SLC3A2: variants seen among roughly 807,000 people sequenced by gnomAD.
The protein encoded by SLC3A2 is amino acid transporter heavy chain SLC3A2.
Under a neutral mutation model 48.5 loss-of-function variants are expected in SLC3A2, and 32 were observed. The ratio of observed to expected loss-of-function variants is 0.66; its 90% CI spans 0.50 to 0.89. SLC3A2 has a LOEUF of 0.89. SLC3A2 is among the 40% of genes least tolerant of loss of function. The probability of loss-of-function intolerance (pLI) is 0.00; values close to 1 mark genes in which losing one functional copy is unlikely to be tolerated. For missense variants in SLC3A2, 587 were observed against 680.7 expected (o/e 0.86, Z 1.53); for synonymous variants, 277 against 288.8 (o/e 0.96, Z 0.41).
At chr11:62,875,809 C>A (rs377146429) in intron 1 of SLC3A2, among the ~76,000 whole-genome samples, 3 of 152,112 alleles carry the variant, frequency 2.0e-5, no homozygotes, top group African/African-American at 7.2e-5. Context: ...TCAGGTGATC[C>A]GCCCGCCTCA....
chr11:62,875,521 G>A (rs1042029887), intron 1 of SLC3A2, among the ~76,000 whole-genome samples: 9 of 152,226 alleles, frequency 5.9e-5, no homozygotes, highest in Middle Eastern at 3.4e-3. Context: ...GGGCGACAGA[G>A]CGAGACTTCA....
intron 1 of SLC3A2, among the ~76,000 whole-genome samples, chr11:62,871,365 A>T (rs543810836): frequency 4.6e-5 from 7 of 150,906 alleles, no homozygotes; most frequent in Admixed American, 2.0e-4. Context: ...CAGCCTCCCA[A>T]ATAGCTGGGA....
upstream of SLC3A2, among the ~76,000 whole-genome samples, chr11:62,879,009 G>C (rs1057269017): frequency 1.3e-5 from 2 of 151,046 alleles, no homozygotes; most frequent in African/African-American, 4.9e-5. Context: ...CTGACCTCAA[G>C]TTATCCGCCA....
chr11:62,867,322 C>CTTTTT (rs56758000), intron 1 of SLC3A2, among the ~76,000 whole-genome samples: 409 of 67,522 alleles, frequency 6.1e-3, no homozygotes, highest in Non-Finnish European at 7.7e-3. Context: ...CTTTTCTTTT[C>CTTTTT]TTTTTTTTTT....
intron 2 of SLC3A2, 177 bp from the exon 3 acceptor site, chr11:62,882,731 C>T (rs1246710767): frequency 1.6e-6 from 1 of 616,430 alleles, no homozygotes; most frequent in Non-Finnish European, 3.0e-6. Flanking sequence ...CTTCCCATAT[C>T]TTAAGGCCCT....
At chr11:62,860,638 A>G (rs1452793237) in intron 1 of SLC3A2, among the ~76,000 whole-genome samples, 1 of 152,022 alleles carries the variant, frequency 6.6e-6, no homozygotes, top group Non-Finnish European at 1.5e-5. Flanking sequence ...TTCCTCTTTC[A>G]CTAATCCTTC....
chr11:62,870,294 G>A (rs1248798582), intron 1 of SLC3A2, among the ~76,000 whole-genome samples: 1 of 151,598 alleles, frequency 6.6e-6, no homozygotes, highest in African/African-American at 2.4e-5. Context: ...CTATTCTCCT[G>A]CCTCAGCCTC....
rs2085666329 is a variant in SLC3A2 at position 62,883,275 on chromosome 11, T to G, written c.690+276T>G. 3 of 391,142 alleles carry G rather than the reference T, an allele frequency of 7.7e-6. 1 individual carries two copies. The highest frequency in any genetic ancestry group is 9.5e-6 in the Non-Finnish European group (2 of 210,382). 24.2% of individuals were successfully genotyped at this position (391,142 alleles called of 1,614,324 possible). ...CTCAGAAGTCAGTCTGGAAGTTTGATTTTTCTTTCTTTTGGGAGAGGAAGC... is the reference window on the plus strand; with the variant it reads ...CTCAGAAGTCAGTCTGGAAGTTTGAGTTTTCTTTCTTTTGGGAGAGGAAGC... On this transcript the variant is annotated intron_variant, in intron 3 of 8. Transcript: ENST00000338663.
chr11:62,856,396 G>A, intron 1 of SLC3A2: 2 of 1,592,844 alleles, frequency 1.3e-6, no homozygotes, highest in South Asian at 1.1e-5. Context: ...TGGATCCCGG[G>A]CTAAGCTCGG....
intron 1 of SLC3A2, among the ~76,000 whole-genome samples, chr11:62,864,709 G>A (rs1255998868): frequency 2.6e-5 from 4 of 151,376 alleles, no homozygotes; most frequent in African/African-American, 7.3e-5. Context: ...CTCGTGATCC[G>A]CCCGCCTCGG....
chr11:62,871,699 T>G (rs1171125963), intron 1 of SLC3A2: 1 of 582,426 alleles, frequency 1.7e-6, no homozygotes, highest in Non-Finnish European at 3.1e-6. Context: ...ATAACATGCT[T>G]GCTATCTGGT....
chr11:62,868,461 G>C (rs1211253780), intron 1 of SLC3A2, among the ~76,000 whole-genome samples: 1 of 149,840 alleles, frequency 6.7e-6, no homozygotes, highest in South Asian at 2.1e-4. Context: ...TGCCTCCTGG[G>C]TTCACGCCAT....
At chr11:62,859,235 ACT>A (rs1477195684) in intron 1 of SLC3A2, among the ~76,000 whole-genome samples, 1 of 151,942 alleles carries the variant, frequency 6.6e-6, no homozygotes, top group East Asian at 1.9e-4. Context: ...AGTGGTGATG[ACT>A]CTTAAGGAGC....
chr11:62,885,565 A>G lies in SLC3A2; in HGVS notation c.1100A>G (p.Tyr367Cys), dbSNP rs748059410. 6.2e-7 allele frequency: 1 copy of G among 1,614,172 alleles called. No homozygotes were observed. The highest frequency in any genetic ancestry group is 8.5e-7 in the Non-Finnish European group (1 of 1,180,016). ...CTGCCAGGGACCCCTGTTTTCAGCT[A>G]CGGGGATGAGATTGGCCTGGATGCA... ...FTLPGTPVFS[Y>C]GDEIGLDAAA... The change falls in exon 7 of 9, where the codon TAC becomes TGC. Residue 367 changes from tyrosine (Y) to cysteine (C), a missense_variant. By Grantham distance (194) the Tyr-to-Cys change is radical. Coordinates refer to ENST00000338663, the MANE Select transcript of SLC3A2 (RefSeq NM_001013251.3).
At chr11:62,878,502 G>C (rs1461460357), upstream of SLC3A2, among the ~76,000 whole-genome samples, 1 of 150,798 alleles carries the variant, frequency 6.6e-6, no homozygotes, top group Non-Finnish European at 1.5e-5. Context: ...GTCTTGCTCT[G>C]TATCCCAGGC....
chr11:62,872,169 C>T (rs947382974), intron 1 of SLC3A2, among the ~76,000 whole-genome samples: 1 of 152,184 alleles, frequency 6.6e-6, no homozygotes, highest in East Asian at 1.9e-4. Context: ...TCTGCCTGGC[C>T]TCCCAAAGTG....
intron 1 of SLC3A2, among the ~76,000 whole-genome samples, chr11:62,857,778 G>C (rs986940121): frequency 6.6e-6 from 1 of 151,798 alleles, no homozygotes; most frequent in Non-Finnish European, 1.5e-5. Flanking sequence ...AGACAAGGCT[G>C]GGGAGGTTGT....
intron 7 of SLC3A2, among the ~76,000 whole-genome samples, chr11:62,887,393 G>A (rs1315252217): frequency 2.6e-5 from 4 of 152,098 alleles, no homozygotes; most frequent in African/African-American, 7.2e-5. Flanking sequence ...GTGGGAGCCT[G>A]CCTCACTCAT....
chr11:62,884,741 A>AGTG, intron 5 of SLC3A2, 51 bp downstream of exon 5: 1 of 1,438,396 alleles, frequency 7.0e-7, no homozygotes, highest in African/African-American at 1.5e-5. Context: ...GGAACCCCTC[A>AGTG]GTGGAGTGCT....
Sources: allele counts gnomAD v4.1 joint callset (sites outside exome capture counted in the v4.1 genomes callset), GRCh38; gene constraint gnomAD v4.1.1; transcripts MANE v1.5; gene names NCBI Gene and HGNC (gene_info 2026-07-23, HGNC 2026-07-21).